GBX1: variants seen among roughly 807,000 people sequenced by gnomAD.
GBX1 encodes gastrulation brain homeobox 1, also known as homeobox protein GBX-1.
In GBX1, 9 loss-of-function variants were observed where a neutral mutation model predicts 22.9. The observed-to-expected ratio is 0.39, with a 90% confidence interval of 0.24 to 0.69. GBX1 has a LOEUF of 0.69. Ranked by LOEUF, GBX1 falls within the 30% of genes least tolerant of loss-of-function variation. The pLI, the probability that GBX1 is intolerant of heterozygous loss-of-function variation, is 0.43. For missense variants in GBX1, 494 were observed against 509.2 expected (o/e 0.97, Z 0.29); for synonymous variants, 203 against 227.3 (o/e 0.89, Z 0.96).
intron 1 of GBX1, among the ~76,000 whole-genome samples, chr7:151,151,619 C>T (rs1417050061): frequency 6.6e-6 from 1 of 152,196 alleles, no homozygotes; most frequent in Non-Finnish European, 1.5e-5. Flanking sequence ...TGTGTTCAAA[C>T]CTAACCTCGA....
intron 1 of GBX1, among the ~76,000 whole-genome samples, chr7:151,153,541 A>C (rs2150548138): frequency 6.7e-6 from 1 of 148,958 alleles, no homozygotes; most frequent in East Asian, 2.0e-4. Flanking sequence ...AAATTGAAAG[A>C]AGCAAATCTT....
intron 1 of GBX1, among the ~76,000 whole-genome samples, chr7:151,151,449 C>T (rs1303822072): frequency 1.3e-5 from 2 of 152,160 alleles, no homozygotes; most frequent in Non-Finnish European, 2.9e-5. Flanking sequence ...TTTCCTCCTT[C>T]ATTTCATTAA....
chr7:151,165,185 G>GT (rs944416702), intron 1 of GBX1, among the ~76,000 whole-genome samples: 8 of 152,008 alleles, frequency 5.3e-5, no homozygotes, highest in African/African-American at 1.7e-4. Flanking sequence ...TTTCTCTTCT[G>GT]TTTTTTCTCT....
chr7:151,153,257 T>C (rs1801098621), intron 1 of GBX1, among the ~76,000 whole-genome samples: 1 of 152,240 alleles, frequency 6.6e-6, no homozygotes, highest in Admixed American at 6.5e-5. Context: ...AGAATACTGA[T>C]ACATTTGAAG....
At chr7:151,161,577 A>T (rs1420798035) in intron 1 of GBX1, among the ~76,000 whole-genome samples, 2 of 152,246 alleles carry the variant, frequency 1.3e-5, no homozygotes, top group African/African-American at 4.8e-5. Flanking sequence ...TTTGAAGTCA[A>T]GTATATTAAA....
At chr7:151,165,101 C>T (rs953202280) in intron 1 of GBX1, among the ~76,000 whole-genome samples, 4 of 152,166 alleles carry the variant, frequency 2.6e-5, no homozygotes, top group African/African-American at 9.7e-5. Flanking sequence ...CCCTCTCCTT[C>T]TTCATGTTCT....
At position 151,167,591 on chromosome 7, in the gene GBX1, C is replaced by A. The variant is rs1208914288; in HGVS notation, c.-43G>T. 22 of 1,286,330 alleles carry A rather than the reference C, an allele frequency of 1.7e-5. No individual in the cohort carries two copies. Among genetic ancestry groups the A allele is most frequent in the Non-Finnish European group, 2.1e-5 (21 of 1,024,180 alleles). The allele number at this position is 1,286,330 out of a possible 1,614,324, so 79.7% of individuals were successfully genotyped here. A position where few individuals can be genotyped will look rare whatever the true frequency, so the allele number is the denominator to read the frequency against. ...CCGCCCCGGGGCGCTCCTCTCTGGGCGCCTCCGTGCGCCCCGCGGCTCGGG... is the reference window on the plus strand; with the variant it reads ...CCGCCCCGGGGCGCTCCTCTCTGGGAGCCTCCGTGCGCCCCGCGGCTCGGG... On this transcript the variant is annotated 5_prime_UTR_variant, in exon 1 of 2. Coordinates refer to ENST00000297537, the MANE Select transcript of GBX1 (RefSeq NM_001098834.3). This position sits in a 1 kb window ranked among gnomAD's most constrained non-coding sequence, Gnocchi z 5.9.
rs539150096 is a variant in GBX1 at position 151,167,238 on chromosome 7, G to A, written c.311C>T (p.Ala104Val). ...GGGCGGCTCCGCGAAGCTGGGCAGC[G>A]CGGTGGTCAGCGCCACCATCGAGGG... ...AVPSMVALTTALPSFAEPPDA... is the reference protein window; with the variant it reads ...AVPSMVALTTVLPSFAEPPDA... Residue 104 changes from alanine to valine, a missense_variant, in exon 1 of 2, where the codon GCG (alanine) becomes GTG (valine). Transcript: ENST00000297537. The surrounding 1 kb of genome is among the most constrained non-coding windows in gnomAD (Gnocchi z 5.9). 35 of 1,551,806 alleles carry A rather than the reference G, an allele frequency of 2.3e-5. No individual in the cohort carries two copies. In the Admixed American group the frequency reaches 5.1e-4, roughly 23 times the overall value.
intron 1 of GBX1, among the ~76,000 whole-genome samples, chr7:151,165,554 TCCAGGCTC>T (rs1237459237): frequency 3.3e-5 from 5 of 152,250 alleles, no homozygotes. Context: ...CCTGCTGGCT[TCCAGGCTC>T]CCGCCCTGGG....
At chr7:151,166,938 T>G (rs1801258917) in intron 1 of GBX1, 73 bp downstream of exon 1, 2 of 1,496,874 alleles carry the variant, frequency 1.3e-6, no homozygotes, top group African/African-American at 1.4e-5. Context: ...GTGCCGAGGT[T>G]CCGAGCAGGT....
rs1391378872 is a variant in GBX1 at position 151,159,757 on chromosome 7, CA to C, written c.538+7253del. On this transcript the variant is annotated intron_variant, in intron 1 of 1. Coordinates refer to ENST00000297537, the MANE Select transcript of GBX1 (RefSeq NM_001098834.3). The stretch of plus-strand genomic sequence containing the variant: ...TATAGAAGGCCAGGAACCAATTTTA[CA>C]ACACAACTTCTCTTCTTTTCCAGTG... Among the ~76,000 whole-genome samples, 4 of 152,314 alleles carry C rather than the reference CA, an allele frequency of 2.6e-5. No homozygotes were observed. The East Asian group carries it at 7.7e-4, about 29-fold the overall frequency.
In GBX1 at chr7:151,153,338, T is replaced by C. The variant is rs368788805; in HGVS notation, c.539-4196A>G. Among the ~76,000 whole-genome samples the C allele has an allele frequency of 4.6e-5, 7 of 152,316 alleles. No individual in the cohort carries two copies. In the South Asian group the frequency reaches 1.2e-3, roughly 27 times the overall value. On this transcript the variant is annotated intron_variant, in intron 1 of 1. Transcript: ENST00000297537. ...AGAGAAGGAGCACTGTAGACTGCAG[T>C]AGCCAAAGACACAGGCAGAGAAAGA...
At chr7:151,156,318 G>A (rs570769206) in intron 1 of GBX1, among the ~76,000 whole-genome samples, 14 of 145,446 alleles carry the variant, frequency 9.6e-5, no homozygotes, top group South Asian at 2.2e-4. Context: ...ACTTGAGAGC[G>A]GAGGTTGCAG....
At chr7:151,166,951 C>A in intron 1 of GBX1, 60 bp downstream of exon 1, 1 of 1,557,220 alleles carries the variant, frequency 6.4e-7, no homozygotes, top group Admixed American at 1.7e-5. Context: ...GAGCAGGTTC[C>A]TGTCTGGAAT....
At position 151,167,691 on chromosome 7, in the gene GBX1, G is replaced by T; in HGVS notation, c.-143C>A. 2.4e-6 allele frequency: 2 copies of T among 833,550 alleles called. No individual in the cohort carries two copies. The highest frequency in any genetic ancestry group is 1.8e-5 in the African/African-American group (1 of 54,608). 51.6% of individuals were successfully genotyped at this position (833,550 alleles called of 1,614,324 possible). A position where few individuals can be genotyped will look rare whatever the true frequency, so the allele number is the denominator to read the frequency against. ...GGCGGCGGGGCGCGGGCTCGGCGCA[G>T]TGTGGCTCCGGCGCCGCGCTCCCTC... On this transcript the variant is annotated 5_prime_UTR_variant, in exon 1 of 2. The change creates a new upstream start codon in the 5' untranslated region. Coordinates refer to ENST00000297537, the MANE Select transcript of GBX1 (RefSeq NM_001098834.3). This position sits in a 1 kb window ranked among gnomAD's most constrained non-coding sequence, Gnocchi z 5.9.
At chr7:151,150,760 C>T (rs1008713107) in intron 1 of GBX1, among the ~76,000 whole-genome samples, 2 of 151,974 alleles carry the variant, frequency 1.3e-5, no homozygotes, top group Non-Finnish European at 2.9e-5. Flanking sequence ...CAGAGTGAGA[C>T]TCTCACTCTG....
intron 1 of GBX1, among the ~76,000 whole-genome samples, chr7:151,156,380 T>C: frequency 1.3e-5 from 1 of 79,122 alleles, no homozygotes. Context: ...AGTGAGACCC[T>C]GTCTCAAAAA....
chr7:151,167,061 G>A lies in GBX1; in HGVS notation c.488C>T (p.Pro163Leu), dbSNP rs757127472. Residue 163 changes from proline (P) to leucine (L), a missense_variant, in exon 1 of 2, where the codon CCC becomes CTC. Pro to Leu is a moderately conservative substitution (Grantham distance 98). This residue lies in a region of GBX1 where 365 missense variants were observed against 340.4 expected (regional missense o/e 1.07). Transcript: ENST00000297537. This position sits in a 1 kb window ranked among gnomAD's most constrained non-coding sequence, Gnocchi z 5.9. ...GAAGTGCGGAGGCGGAGGTGGTGGG[G>A]GCTCTGCCACTTTCTCCCGGGCCGG... ...LLPAREKVAE[P>L]PPPPPPHFSE... 4 of 1,602,824 alleles carry A rather than the reference G, an allele frequency of 2.5e-6. No individual in the cohort carries two copies. In the South Asian group the frequency reaches 4.5e-5, roughly 18 times the overall value.
chr7:151,155,342 C>T (rs900634176), intron 1 of GBX1, among the ~76,000 whole-genome samples: 4 of 152,130 alleles, frequency 2.6e-5, no homozygotes, highest in African/African-American at 9.7e-5. Context: ...GCCATCACTC[C>T]CACTTCTAAA....
Sources: gnomAD v4.1 joint callset for allele counts (sites outside exome capture counted in the v4.1 genomes callset) on GRCh38, gnomAD v4.1.1 for gene constraint, gnomAD v4.1.1 regional missense constraint, Gnocchi (gnomAD v3.1) non-coding constraint, MANE v1.5 for transcripts, NCBI Gene and HGNC (gene_info 2026-07-23, HGNC 2026-07-21) for gene names.